HIP1: variants seen among roughly 807,000 people sequenced by gnomAD.
HIP1 encodes the protein huntingtin interacting protein 1, also known as huntingtin-interacting protein 1.
Under a neutral mutation model 147.6 loss-of-function variants are expected in HIP1, and 65 were observed. That is an observed-to-expected ratio of 0.44 (90% confidence interval 0.36 to 0.54). The LOEUF is 0.54. HIP1 is among the 20% of genes least tolerant of loss of function. The probability of loss-of-function intolerance (pLI) is 0.00; values close to 1 mark genes in which losing one functional copy is unlikely to be tolerated. For missense variants in HIP1, 1,061 were observed against 1,299.6 expected, an observed-to-expected ratio of 0.82 and a Z score of 2.82; for synonymous variants, 479 against 504.0, an observed-to-expected ratio of 0.95 and a Z score of 0.67.
At chr7:75,704,169 G>A (rs1245908608) in intron 1 of HIP1, among the ~76,000 whole-genome samples, 3 of 152,148 alleles carry the variant, frequency 2.0e-5, no homozygotes, top group African/African-American at 7.2e-5. Context: ...AGACAACAAT[G>A]ACAAAACAAA....
chr7:75,554,440 C>T lies in HIP1; in HGVS notation c.2050G>A (p.Asp684Asn), dbSNP rs781888615. 6.2e-7 allele frequency: 1 copy of T among 1,612,690 alleles called. No individual in the cohort carries two copies. Among genetic ancestry groups the T allele is most frequent in the Non-Finnish European group, 8.5e-7 (1 of 1,178,794 alleles). The change falls in exon 20 of 31, where the codon GAC becomes AAC. Residue 684 changes from aspartate (D) to asparagine (N), a missense_variant and splice_region_variant. Asp to Asn is a conservative substitution (Grantham distance 23). Transcript: ENST00000336926. ...AGAGACTGTCCTTGGCCATTCTTAC[C>T]TTCTGGGCAGGCCAGATACTGGCTC... Reference protein sequence around the residue: ...SWSQYLACPEDISGLLHSITL... With the variant: ...SWSQYLACPENISGLLHSITL...
intron 1 of HIP1, among the ~76,000 whole-genome samples, chr7:75,613,333 C>T (rs1797515511): frequency 6.6e-6 from 1 of 152,094 alleles, no homozygotes; most frequent in African/African-American, 2.4e-5. Context: ...GGGGAGCCTT[C>T]TGTGCTCCGT....
At chr7:75,710,144 GACCTT>G (rs1801127590) in intron 1 of HIP1, among the ~76,000 whole-genome samples, 3 of 151,750 alleles carry the variant, frequency 2.0e-5, no homozygotes, top group Non-Finnish European at 4.4e-5. Context: ...GTGATCCTCC[GACCTT>G]GGCCTCCCAA....
intron 1 of HIP1, among the ~76,000 whole-genome samples, chr7:75,643,947 C>T: frequency 6.6e-6 from 1 of 152,106 alleles, no homozygotes; most frequent in South Asian, 2.1e-4. Context: ...TTGCAGTGAG[C>T]CAAGATCCCG....
chr7:75,553,233 T>C (rs1794853899), intron 22 of HIP1, among the ~76,000 whole-genome samples: 1 of 152,094 alleles, frequency 6.6e-6, no homozygotes, highest in South Asian at 2.1e-4. Context: ...CCATCCCGTC[T>C]AGCCTCAAGT....
intron 1 of HIP1, among the ~76,000 whole-genome samples, chr7:75,660,142 A>G (rs949041433): frequency 2.0e-5 from 3 of 150,796 alleles, no homozygotes; most frequent in African/African-American, 7.3e-5. Flanking sequence ...AAAACAAAAC[A>G]CACAAAAAAA....
intron 30 of HIP1, among the ~76,000 whole-genome samples, chr7:75,539,003 T>C (rs1554489324): frequency 6.6e-6 from 1 of 152,146 alleles, no homozygotes; most frequent in African/African-American, 2.4e-5. Context: ...TTTTCAACTC[T>C]CTGCTGGCCA....
intron 7 of HIP1, 43 bp downstream of exon 7, chr7:75,581,194 G>C (rs912991259): frequency 1.4e-6 from 2 of 1,465,806 alleles, no homozygotes; most frequent in Admixed American, 3.5e-5. Context: ...GAATTAGGTA[G>C]TTCCCATGAG....
chr7:75,608,439 C>T (rs1237703103), intron 1 of HIP1, among the ~76,000 whole-genome samples: 2 of 152,162 alleles, frequency 1.3e-5, no homozygotes, highest in African/African-American at 4.8e-5. Context: ...CGTATGGTTC[C>T]AGTTCTCTAC....
At chr7:75,652,244 T>C (rs1281329057) in intron 1 of HIP1, among the ~76,000 whole-genome samples, 1 of 146,172 alleles carries the variant, frequency 6.8e-6, no homozygotes, top group Non-Finnish European at 1.5e-5. Context: ...TTGAACCCAG[T>C]TGGTGGAGGT....
At chr7:75,623,192 C>A (rs1196743211) in intron 1 of HIP1, among the ~76,000 whole-genome samples, 8 of 113,784 alleles carry the variant, frequency 7.0e-5, no homozygotes, top group Non-Finnish European at 1.0e-4. Flanking sequence ...AGCGGGACTC[C>A]ATCTCAAAAA....
intron 1 of HIP1, among the ~76,000 whole-genome samples, chr7:75,634,193 G>A (rs1034137407): frequency 2.6e-5 from 4 of 151,942 alleles, no homozygotes; most frequent in Non-Finnish European, 4.4e-5. Context: ...CTAGGAGTTC[G>A]AGGCTGCAGT....
chr7:75,601,826 A>G (rs889461945), intron 1 of HIP1, among the ~76,000 whole-genome samples: 3 of 151,936 alleles, frequency 2.0e-5, no homozygotes, highest in African/African-American at 7.3e-5. Context: ...CCCCTTGTCC[A>G]TAGGATATAT....
intron 1 of HIP1, among the ~76,000 whole-genome samples, chr7:75,652,253 G>T (rs1236507734): frequency 6.7e-6 from 1 of 148,454 alleles, no homozygotes; most frequent in African/African-American, 2.5e-5. Flanking sequence ...GTTGGTGGAG[G>T]TTGCAGTGAG....
intron 7 of HIP1, among the ~76,000 whole-genome samples, chr7:75,576,692 G>A (rs1289555854): frequency 1.3e-5 from 2 of 152,122 alleles, no homozygotes; most frequent in Non-Finnish European, 2.9e-5. Flanking sequence ...CTGAACGACA[G>A]AGCAAGGCTC....
intron 22 of HIP1, among the ~76,000 whole-genome samples, chr7:75,550,182 A>G (rs1263510260): frequency 5.9e-5 from 9 of 152,204 alleles, no homozygotes; most frequent in African/African-American, 1.9e-4. Flanking sequence ...TTTTTAAAAC[A>G]TGATGTGTTA....
intron 1 of HIP1, among the ~76,000 whole-genome samples, chr7:75,607,358 A>G (rs1797267186): frequency 6.7e-6 from 1 of 149,824 alleles, no homozygotes; most frequent in East Asian, 2.0e-4. Context: ...GCTTCCCAGT[A>G]GCTGGGATTG....
chr7:75,688,418 G>A (rs1379760742), intron 1 of HIP1, among the ~76,000 whole-genome samples: 3 of 151,768 alleles, frequency 2.0e-5, no homozygotes, highest in African/African-American at 7.3e-5. Context: ...ATCATGCTGC[G>A]TCTGCAGGGG....
chr7:75,542,691 C>T (rs1247207864), intron 28 of HIP1, among the ~76,000 whole-genome samples, 160 bp downstream of exon 28: 1 of 151,682 alleles, frequency 6.6e-6, no homozygotes, highest in Non-Finnish European at 1.5e-5. Flanking sequence ...AGAGTGAGAC[C>T]CTGTCTCAAA....
Sources: allele counts gnomAD v4.1 joint callset (sites outside exome capture counted in the v4.1 genomes callset), GRCh38; gene constraint gnomAD v4.1.1; transcripts MANE v1.5; gene names NCBI Gene and HGNC (gene_info 2026-07-23, HGNC 2026-07-21).